Variants in LARGE1 observed in about 807,000 individuals in gnomAD.
LARGE1 encodes LARGE xylosyl- and glucuronyltransferase 1.
In LARGE1, 43 loss-of-function variants were observed where a neutral mutation model predicts 87.6. The observed-to-expected ratio is 0.49, with a 90% confidence interval of 0.38 to 0.63. LARGE1 has a LOEUF of 0.63. Ranked by LOEUF, LARGE1 falls within the 30% of genes least tolerant of loss-of-function variation. The pLI is 0.00. For missense variants in LARGE1, 802 were observed against 1,000.2 expected (o/e 0.80, Z 2.67); for synonymous variants, 434 against 394.6 (o/e 1.10, Z -1.18).
intron 6 of LARGE1, among the ~76,000 whole-genome samples, chr22:33,472,854 C>A (rs2068904586): frequency 6.6e-6 from 1 of 152,122 alleles, no homozygotes; most frequent in African/African-American, 2.4e-5. Context: ...GTAATGATAC[C>A]AGTAGCAGTG....
chr22:33,867,137 G>A (rs1344603567), intron 1 of LARGE1, among the ~76,000 whole-genome samples: 4 of 152,176 alleles, frequency 2.6e-5, no homozygotes, highest in Non-Finnish European at 4.4e-5. Context: ...AATGAACTGG[G>A]CTCTGGGTGG....
At chr22:33,588,698 G>A (rs1477386238) in intron 5 of LARGE1, among the ~76,000 whole-genome samples, 1 of 152,216 alleles carries the variant, frequency 6.6e-6, no homozygotes, top group East Asian at 1.9e-4. Context: ...GAGGGTGCAG[G>A]AGGGAGAAGA....
chr22:33,690,940 C>G (rs1023932706), intron 2 of LARGE1, among the ~76,000 whole-genome samples: 1 of 152,162 alleles, frequency 6.6e-6, no homozygotes, highest in South Asian at 2.1e-4. Flanking sequence ...ACAGAGCAGG[C>G]GCTCATGTGG....
intron 1 of LARGE1, among the ~76,000 whole-genome samples, chr22:33,792,834 G>A (rs1023481326): frequency 6.6e-6 from 1 of 152,246 alleles, no homozygotes; most frequent in Admixed American, 6.5e-5. Flanking sequence ...GGAGAAAACA[G>A]ACCCCTTTCT....
intron 3 of LARGE1, 104 bp from the exon 4 acceptor site, chr22:33,626,430 G>C: frequency 1.2e-6 from 1 of 859,454 alleles, no homozygotes; most frequent in Non-Finnish European, 1.9e-6. Context: ...TTTCTTGTTG[G>C]CATCATTAGA....
At position 33,360,238 on chromosome 22, in the gene LARGE1, G is replaced by A. The variant is rs944963469; in HGVS notation, c.1131+21681C>T. Among the ~76,000 whole-genome samples, 13 of 149,302 alleles carry A rather than the reference G, an allele frequency of 8.7e-5. 1 individual carries two copies. Among genetic ancestry groups the A allele is most frequent in the Non-Finnish European group, 1.6e-4 (11 of 67,038 alleles). Reference sequence around the variant, plus strand: ...TCAGGCAGGAGAACTGCTTGAACCTGGGAGGTGGAGGTTGCAGTGAGCCAA... The same window carrying A: ...TCAGGCAGGAGAACTGCTTGAACCTAGGAGGTGGAGGTTGCAGTGAGCCAA... On this transcript the variant is annotated intron_variant, in intron 9 of 14. Transcript: ENST00000397394.
intron 12 of LARGE1, among the ~76,000 whole-genome samples, chr22:33,300,109 G>T (rs1191660445): frequency 2.6e-5 from 4 of 152,232 alleles, no homozygotes; most frequent in Admixed American, 6.5e-5. Context: ...AGGGCTGCCA[G>T]TCGGCCTGCT....
chr22:33,872,169 G>A (rs1393979545), intron 1 of LARGE1, among the ~76,000 whole-genome samples: 2 of 151,798 alleles, frequency 1.3e-5, no homozygotes, highest in South Asian at 2.1e-4. Context: ...CACACAGCAC[G>A]CTGTCTTGAC....
intron 5 of LARGE1, among the ~76,000 whole-genome samples, chr22:33,597,840 T>G (rs569812155): frequency 6.6e-6 from 1 of 152,262 alleles, no homozygotes; most frequent in African/African-American, 2.4e-5. Flanking sequence ...ATGTAGGGCC[T>G]TGTCTGAAAA....
chr22:33,706,385 C>T (rs1369197854), intron 2 of LARGE1, among the ~76,000 whole-genome samples: 1 of 152,136 alleles, frequency 6.6e-6, no homozygotes, highest in Non-Finnish European at 1.5e-5. Context: ...ACCATCTGCA[C>T]TGCAGAGGAG....
intron 12 of LARGE1, among the ~76,000 whole-genome samples, chr22:33,300,955 G>A (rs1414839060): frequency 6.6e-6 from 1 of 152,174 alleles, no homozygotes; most frequent in Non-Finnish European, 1.5e-5. Context: ...GGTGACAGGT[G>A]TTAGCCACTG....
chr22:33,878,109 A>G (rs1176409542), intron 1 of LARGE1, among the ~76,000 whole-genome samples: 1 of 88,490 alleles, frequency 1.1e-5, no homozygotes, highest in Middle Eastern at 5.9e-3. Flanking sequence ...AAAATTATGT[A>G]TGTTGTTTAT....
At chr22:33,536,373 T>C (rs957613965) in intron 6 of LARGE1, among the ~76,000 whole-genome samples, 1 of 152,200 alleles carries the variant, frequency 6.6e-6, no homozygotes, top group Non-Finnish European at 1.5e-5. Flanking sequence ...TTCTGTATGT[T>C]TCATGATTTG....
intron 2 of LARGE1, among the ~76,000 whole-genome samples, chr22:33,651,598 A>G (rs1602986374): frequency 6.6e-6 from 1 of 152,228 alleles, no homozygotes; most frequent in East Asian, 1.9e-4. Flanking sequence ...TATCTGCCAT[A>G]CTGTATTTGG....
chr22:33,834,956 T>C (rs913752405), intron 1 of LARGE1, among the ~76,000 whole-genome samples: 2 of 152,192 alleles, frequency 1.3e-5, no homozygotes, highest in African/African-American at 4.8e-5. Flanking sequence ...GCTTTAGAAA[T>C]GATACAGTTA....
chr22:33,434,216 G>A (rs2067183533), intron 6 of LARGE1, among the ~76,000 whole-genome samples: 1 of 152,196 alleles, frequency 6.6e-6, no homozygotes, highest in African/African-American at 2.4e-5. Flanking sequence ...ACCTCACAAT[G>A]AGGATGGGAA....
intron 2 of LARGE1, among the ~76,000 whole-genome samples, chr22:33,722,671 G>A (rs1482682558): frequency 6.6e-6 from 1 of 152,100 alleles, no homozygotes; most frequent in Non-Finnish European, 1.5e-5. Context: ...ACCCAATGGA[G>A]GGAAGTATAA....
chr22:33,654,019 C>T (rs80215), intron 2 of LARGE1, among the ~76,000 whole-genome samples: 73,473 of 152,068 alleles, frequency 0.48, 20,540 homozygotes, highest in Middle Eastern at 0.65. Flanking sequence ...TTATGATTGT[C>T]TGATTGTGGG....
chr22:33,273,356 G>A lies in LARGE1; in HGVS notation c.*1071C>T. On this transcript the variant is annotated 3_prime_UTR_variant, in exon 15 of 15. Coordinates refer to ENST00000397394, the MANE Select transcript of LARGE1 (RefSeq NM_133642.5). ...ACAGTGAAGCAGGCAAGAACCAGAGGAACCCAATCACTTTCTTCCTGTAGG... is the reference window on the plus strand; with the variant it reads ...ACAGTGAAGCAGGCAAGAACCAGAGAAACCCAATCACTTTCTTCCTGTAGG... The A allele has an allele frequency of 2.5e-6, 1 of 398,802 alleles. No individual in the cohort carries two copies. Among genetic ancestry groups the A allele is most frequent in the Non-Finnish European group, 4.4e-6 (1 of 226,084 alleles). The allele number at this position is 398,802 out of a possible 1,614,324, so 24.7% of individuals were successfully genotyped here.
Sources: allele counts gnomAD v4.1 joint callset (sites outside exome capture counted in the v4.1 genomes callset), GRCh38; gene constraint gnomAD v4.1.1; transcripts MANE v1.5; gene names NCBI Gene and HGNC (gene_info 2026-07-23, HGNC 2026-07-21).